DGKQ: variants seen among roughly 807,000 people sequenced by gnomAD.
The protein encoded by DGKQ is diacylglycerol kinase theta.
In DGKQ, 97 loss-of-function variants were observed where a neutral mutation model predicts 104.2. That is an observed-to-expected ratio of 0.93 (90% CI 0.79 to 1.10). The LOEUF (loss-of-function observed/expected upper bound fraction) is 1.10. Among genes scored for constraint, DGKQ ranks in the 50% least tolerant of loss-of-function variants. DGKQ has a pLI of 0.00. For missense variants in DGKQ, 1,465 were observed against 1,352.1 expected (o/e 1.08, Z -1.31); for synonymous variants, 736 against 595.2 (o/e 1.24, Z -3.44).
rs1711794851 is a variant in DGKQ, at chr4:960,513, A to G, written c.*107T>C. 2 of 1,035,930 alleles carry G rather than the reference A, an allele frequency of 1.9e-6. No homozygotes were observed. Among genetic ancestry groups the G allele is most frequent in the Non-Finnish European group, 1.5e-6 (1 of 684,446 alleles). The allele number at this position is 1,035,930 out of a possible 1,614,324, so 64.2% of individuals were successfully genotyped here. A position where few individuals can be genotyped will look rare whatever the true frequency, so the allele number is the denominator to read the frequency against. ...GTGGTCAGGGCTGTAGCCAGGTCCG[A>G]CCACAGGGCCGGCCACTGTGTGGAC... On this transcript the variant is annotated 3_prime_UTR_variant, in exon 23 of 23. Coordinates refer to ENST00000273814, the MANE Select transcript of DGKQ (RefSeq NM_001347.4).
At position 968,804 on chromosome 4, in the gene DGKQ, C is replaced by T; in HGVS notation, c.451+7G>A. ...ACTGGGTGGGGAGCCAGGCAGGCTC[C>T]AGGTACCTTCGCAGTGGAGCGCCGG... On this transcript the variant is annotated splice_region_variant and intron_variant, in intron 3 of 22. Coordinates refer to ENST00000273814, the MANE Select transcript of DGKQ (RefSeq NM_001347.4). 1 of 1,607,130 alleles carries T rather than the reference C, an allele frequency of 6.2e-7. No homozygotes were observed. Among genetic ancestry groups the T allele is most frequent in the South Asian group, 1.1e-5 (1 of 90,340 alleles).
Position 961,973 on chromosome 4 carries a change from C to T in DGKQ, c.2315+9G>A, listed in dbSNP as rs768819107. The T allele has an allele frequency of 1.2e-6, 2 of 1,612,970 alleles. No individual in the cohort carries two copies. The highest frequency in any genetic ancestry group is 2.2e-5 in the East Asian group (1 of 44,886). The stretch of plus-strand genomic sequence containing the variant: ...CGTTGACAGGTGGTAGCCCCTGCGG[C>T]TCCGGTACCTGCTTGTGAACTTGCC... On this transcript the variant is annotated intron_variant, in intron 19 of 22. Transcript: ENST00000273814.
rs534162090 is a variant in DGKQ at position 971,480 on chromosome 4, G to A, written c.272-408C>T. ...AAGGACATCTGTGTCTCACTCCCCC[G>A]AAACTACGCATACCCCTAATTGTCC... On this transcript the variant is annotated intron_variant, in intron 1 of 22. Coordinates refer to ENST00000273814, the MANE Select transcript of DGKQ (RefSeq NM_001347.4). The surrounding 1 kb of genome is among the most constrained non-coding windows in gnomAD (Gnocchi z 4.0). Among the ~76,000 whole-genome samples the A allele has an allele frequency of 3.3e-5, 5 of 152,292 alleles. No homozygotes were observed. The East Asian group carries it at 7.7e-4, about 24-fold the overall frequency.
At position 966,820 on chromosome 4, in the gene DGKQ, G is replaced by C. The variant is rs1187122235; in HGVS notation, c.1312-18C>G. The C allele has an allele frequency of 4.4e-6, 7 of 1,605,696 alleles. No individual in the cohort carries two copies. Among genetic ancestry groups the C allele is most frequent in the Middle Eastern group, 1.6e-4 (1 of 6,074 alleles). On this transcript the variant is annotated intron_variant, in intron 10 of 22. Coordinates refer to ENST00000273814, the MANE Select transcript of DGKQ (RefSeq NM_001347.4). ...CTCTCGGCCTGTTGGGGTAGAGCTT[G>C]GCATCGGGTCTGGGCAGGCCCCCAC...
At position 968,905 on chromosome 4, in the gene DGKQ, A is replaced by C. The variant is rs748326510; in HGVS notation, c.357T>G (p.Pro119=). 2.9e-5 allele frequency: 46 copies of C among 1,587,434 alleles called. No homozygotes were observed. Among genetic ancestry groups the C allele is most frequent in the Non-Finnish European group, 3.8e-5 (44 of 1,163,796 alleles). ...TSVAPSLVRV[P]VAHCFGPRGL... ...CCCGGGGGCCGAAGCAGTGGGCTAC[A>C]GGAACCTGGTGGGGCAGCCTCACCT... Residue 119 remains proline, a synonymous_variant, in exon 3 of 23, where the codon CCT becomes CCG. Coordinates refer to ENST00000273814, the MANE Select transcript of DGKQ (RefSeq NM_001347.4).
intron 1 of DGKQ, among the ~76,000 whole-genome samples, chr4:972,293 G>A (rs1329128447): frequency 2.0e-5 from 3 of 152,176 alleles, no homozygotes; most frequent in African/African-American, 7.2e-5. Flanking sequence ...GCATGGCTGT[G>A]CCATGCTCTG....
Position 967,769 on chromosome 4 carries a change from G to A in DGKQ, c.845C>T (p.Ala282Val). 6.2e-7 allele frequency: 1 copy of A among 1,608,368 alleles called. No homozygotes were observed. The highest frequency in any genetic ancestry group is 8.5e-7 in the Non-Finnish European group (1 of 1,177,928). ...EGGDGADGSA[A>V]VGPGRETQAT... ...CTGTGTCTCTCTGCCTGGACCCACG[G>A]CAGCGCTCCCGTCGGCGCCGTCGCC... The change falls in exon 7 of 23, where the codon GCC becomes GTC. Residue 282 changes from alanine to valine, a missense_variant. Ala to Val is a moderately conservative substitution (Grantham distance 64). Transcript: ENST00000273814.
Position 970,981 on chromosome 4 carries a change from C to G in DGKQ, c.351+12G>C. The G allele has an allele frequency of 6.5e-7, 1 of 1,547,792 alleles. No individual in the cohort carries two copies. The highest frequency in any genetic ancestry group is 1.7e-4 in the Middle Eastern group (1 of 5,770). Reference sequence around the variant, plus strand: ...AGCCTCTTGCAGGTGCAACACCCAGCCCCACACTCACCCGGACCAGGCTGG... The same window carrying G: ...AGCCTCTTGCAGGTGCAACACCCAGGCCCACACTCACCCGGACCAGGCTGG... On this transcript the variant is annotated intron_variant, in intron 2 of 22. Transcript: ENST00000273814.
In DGKQ at chr4:966,093, G is replaced by A. The variant is rs1489228569; in HGVS notation, c.1429-15C>T. On this transcript the variant is annotated splice_polypyrimidine_tract_variant and intron_variant, in intron 12 of 22. Transcript: ENST00000273814. ...CGCACAGACATCTGCAGGGAGAGGG[G>A]CGGGGATGCTGGGCCGGGGAGAACG... 3.1e-6 allele frequency: 5 copies of A among 1,587,910 alleles called. No individual in the cohort carries two copies. The highest frequency in any genetic ancestry group is 2.3e-5 in the East Asian group (1 of 44,112).
chr4:966,361 C>T (rs1712336472), intron 12 of DGKQ, 105 bp downstream of exon 12: 1 of 1,309,980 alleles, frequency 7.6e-7, no homozygotes, highest in Non-Finnish European at 1.1e-6. Flanking sequence ...ACAGCCGCTG[C>T]CTAGCCAAGG....
intron 15 of DGKQ, 22 bp downstream of exon 15, chr4:965,154 G>T (rs1195274137): frequency 6.2e-7 from 1 of 1,606,106 alleles, no homozygotes; most frequent in Non-Finnish European, 8.5e-7. Context: ...TGTGTGAAGA[G>T]CCGGCTTGAC....
intron 1 of DGKQ, among the ~76,000 whole-genome samples, chr4:972,619 C>T (rs1052023267): frequency 1.3e-5 from 2 of 151,178 alleles, no homozygotes; most frequent in African/African-American, 4.8e-5. Context: ...TCCCCCTGTC[C>T]CTCGCTCCCT....
In DGKQ at chr4:966,193, T is replaced by C. The variant is rs1712318200; in HGVS notation, c.1429-115A>G. 3 of 1,154,122 alleles carry C rather than the reference T, an allele frequency of 2.6e-6. No individual in the cohort carries two copies. The East Asian group carries it at 7.8e-5, about 30-fold the overall frequency. The allele number at this position is 1,154,122 out of a possible 1,614,324, so 71.5% of individuals were successfully genotyped here. On this transcript the variant is annotated intron_variant, in intron 12 of 22. Coordinates refer to ENST00000273814, the MANE Select transcript of DGKQ (RefSeq NM_001347.4). ...AGGGCATCAGGAACACTCCCAGGAA[T>C]TAAGTCAACAGGAAAACGAGGAAAG...
rs192259574 is a variant in DGKQ at position 963,810 on chromosome 4, C to A, written c.1735-520G>T. On this transcript the variant is annotated intron_variant, in intron 15 of 22. Transcript: ENST00000273814. ...CGACCACAGGACAGAGTCCATCTCC[C>A]CACACACAACCCCAAGAAACAGTAC... 7.9e-3 allele frequency among the ~76,000 whole-genome samples: 1,199 copies of A among 152,292 alleles called. 20 individuals are homozygous for A. Among genetic ancestry groups the A allele is most frequent in the African/African-American group, 0.026 (1,075 of 41,550 alleles).
rs192313073 is a variant in DGKQ at position 963,334 on chromosome 4, G to A, written c.1735-44C>T. 1.2e-3 allele frequency: 1,860 copies of A among 1,559,306 alleles called. 14 individuals are homozygous for A. In the African/African-American group the frequency reaches 0.016, roughly 14 times the overall value. On this transcript the variant is annotated intron_variant, in intron 15 of 22. Transcript: ENST00000273814. Reference sequence around the variant, plus strand: ...GGTTAGGATGGGGACCCAAGGTGGGGTGTCCCCACTGCTGGGGTTGCCAGG... The same window carrying A: ...GGTTAGGATGGGGACCCAAGGTGGGATGTCCCCACTGCTGGGGTTGCCAGG...
At position 962,387 on chromosome 4, in the gene DGKQ, G is replaced by A. The variant is rs771976465; in HGVS notation, c.2214+48C>T. The A allele has an allele frequency of 2.0e-6, 3 of 1,504,474 alleles. No homozygotes were observed. The African/African-American group carries it at 4.1e-5, about 21-fold the overall frequency. The allele number at this position is 1,504,474 out of a possible 1,614,324, so 93.2% of individuals were successfully genotyped here. ...CGCCCGTTGTGACGCGTGTAGCGGGGTCATATGCAGGAGCCTGGAAGGCAC... is the reference window on the plus strand; with the variant it reads ...CGCCCGTTGTGACGCGTGTAGCGGGATCATATGCAGGAGCCTGGAAGGCAC... On this transcript the variant is annotated intron_variant, in intron 18 of 22. Transcript: ENST00000273814.
At position 968,875 on chromosome 4, in the gene DGKQ, G is replaced by A. The variant is rs1187321718; in HGVS notation, c.387C>T (p.Leu129=). 38 of 1,604,444 alleles carry A rather than the reference G, an allele frequency of 2.4e-5. No individual in the cohort carries two copies. Among genetic ancestry groups the A allele is most frequent in the Admixed American group, 6.7e-5 (4 of 59,432 alleles). ...PVAHCFGPRG[L]HKRKFCAVCR... ...AGACAGCACAGAACTTGCGCTTGTG[G>A]AGCCCCCGGGGGCCGAAGCAGTGGG... is the stretch of plus-strand genomic sequence containing the variant. The change falls in exon 3 of 23, where the codon CTC becomes CTT. Residue 129 remains leucine, a synonymous_variant. Coordinates refer to ENST00000273814, the MANE Select transcript of DGKQ (RefSeq NM_001347.4).
chr4:964,941 C>T (rs148054078), intron 15 of DGKQ, among the ~76,000 whole-genome samples: 1 of 152,298 alleles, frequency 6.6e-6, no homozygotes, highest in Non-Finnish European at 1.5e-5. Context: ...TGGGCAGCCT[C>T]GGATGAGCGC....
At chr4:962,955 C>T (rs751243141) in intron 16 of DGKQ, 35 bp from the exon 17 acceptor site, 17 of 1,582,036 alleles carry the variant, frequency 1.1e-5, no homozygotes, top group Middle Eastern at 1.7e-4. Context: ...CTACCAGCTG[C>T]GGGCGCAGCC....
Sources: gnomAD v4.1 joint callset for allele counts (sites outside exome capture counted in the v4.1 genomes callset) on GRCh38, gnomAD v4.1.1 for gene constraint, Gnocchi (gnomAD v3.1) non-coding constraint, MANE v1.5 for transcripts, NCBI Gene and HGNC (gene_info 2026-07-23, HGNC 2026-07-21) for gene names.